Variants in ZFHX3 observed in about 807,000 individuals in gnomAD.
The protein encoded by ZFHX3 is zinc finger homeobox protein 3.
A neutral mutation model predicts 279.1 loss-of-function variants in ZFHX3; 42 were observed. The ratio of observed to expected loss-of-function variants is 0.15; its 90% confidence interval spans 0.12 to 0.19. The LOEUF is 0.19. Ranked by LOEUF, ZFHX3 falls within the 10% of genes least tolerant of loss-of-function variation. The pLI is 1.00. For synonymous variants in ZFHX3, 2,293 were observed against 1,957.8 expected (o/e 1.17, Z -4.52); for missense variants, 4,981 against 4,754.0 (o/e 1.05, Z -1.40).
rs75421746 is a variant in ZFHX3 at position 73,011,852 on chromosome 16, A to G, written c.-50+35900T>C. Among the ~76,000 whole-genome samples the G allele has an allele frequency of 5.0e-3, 758 of 151,986 alleles. 15 individuals carry two copies. In the East Asian group the frequency reaches 0.056, roughly 11 times the overall value. On this transcript the variant is annotated intron_variant, in intron 1 of 9. Coordinates refer to ENST00000268489, the MANE Select transcript of ZFHX3 (RefSeq NM_006885.4). The stretch of plus-strand genomic sequence containing the variant: ...CCCCTCCTCAACTCAATTCGGTGGG[A>G]TACCTTTTTTTATCTTGGTGTTATT...
intron 3 of ZFHX3, among the ~76,000 whole-genome samples, chr16:72,928,406 T>C (rs901374219): frequency 6.6e-6 from 1 of 151,916 alleles, no homozygotes; most frequent in Non-Finnish European, 1.5e-5. Flanking sequence ...GACTGGAGAT[T>C]TGAATACATG....
chr16:73,769,653 C>G (rs531618441), intron 1 of ZFHX3, among the ~76,000 whole-genome samples: 1 of 152,182 alleles, frequency 6.6e-6, no homozygotes, highest in South Asian at 2.1e-4. Flanking sequence ...GAATTTCTAC[C>G]TTTTTAACCA....
intron 3 of ZFHX3, among the ~76,000 whole-genome samples, chr16:73,359,951 A>C (rs74030069): frequency 0.039 from 5,897 of 152,226 alleles, 290 homozygotes; most frequent in African/African-American, 0.11. Context: ...AAACTAAGTA[A>C]GAATTACCCA....
chr16:73,346,329 T>C (rs919206356), intron 3 of ZFHX3, among the ~76,000 whole-genome samples: 1 of 152,210 alleles, frequency 6.6e-6, no homozygotes. Flanking sequence ...TCCCACCGTC[T>C]GTCCTCTCGC....
At chr16:73,339,296 T>C (rs2143252475) in intron 3 of ZFHX3, among the ~76,000 whole-genome samples, 1 of 152,318 alleles carries the variant, frequency 6.6e-6, no homozygotes, top group Middle Eastern at 3.4e-3. Flanking sequence ...ATGAAGTTGT[T>C]TGTGCCTATC....
intron 3 of ZFHX3, among the ~76,000 whole-genome samples, chr16:73,442,991 C>A (rs2018120939): frequency 1.3e-5 from 2 of 152,154 alleles, no homozygotes; most frequent in African/African-American, 4.8e-5. Context: ...CTTCTAAGGA[C>A]ACCAGTGATA....
At chr16:73,775,412 G>C (rs907798223) in intron 1 of ZFHX3, among the ~76,000 whole-genome samples, 7 of 152,116 alleles carry the variant, frequency 4.6e-5, no homozygotes, top group African/African-American at 1.7e-4. Flanking sequence ...GCTGAGAAAA[G>C]AAATACTATG....
At position 73,359,882 on chromosome 16, in the gene ZFHX3, G is replaced by A. The variant is rs75636417; in HGVS notation, c.-1290-41546C>T. ...TCAGTGTGGATGGGTATTGATCATG[G>A]GGGGTGGTTCATGTTAGATGGGATT... On this transcript the variant is annotated intron_variant, in intron 3 of 17. Transcript: ENST00000641206. Among the ~76,000 whole-genome samples the A allele has an allele frequency of 7.2e-3, 1,070 of 149,074 alleles. 6 individuals are homozygous for A. The highest frequency in any genetic ancestry group is 0.013 in the Non-Finnish European group (836 of 66,800).
intron 3 of ZFHX3, among the ~76,000 whole-genome samples, chr16:73,403,097 C>G (rs1372948670): frequency 1.3e-5 from 2 of 152,036 alleles, no homozygotes; most frequent in Non-Finnish European, 1.5e-5. Flanking sequence ...CACGTGTGGG[C>G]GCACGGTCCA....
At chr16:73,189,421 C>T (rs1967981801) in intron 5 of ZFHX3, among the ~76,000 whole-genome samples, 1 of 152,188 alleles carries the variant, frequency 6.6e-6, no homozygotes, top group Non-Finnish European at 1.5e-5. Flanking sequence ...CCTGACATAG[C>T]AATAACAAAT....
intron 3 of ZFHX3, among the ~76,000 whole-genome samples, chr16:73,382,571 G>C (rs868528184): frequency 6.6e-6 from 1 of 152,134 alleles, no homozygotes; most frequent in Non-Finnish European, 1.5e-5. Flanking sequence ...GGGGGGGCAG[G>C]AGGTAATCAG....
chr16:72,787,908 G>A lies in ZFHX3; in HGVS notation c.10368C>T (p.Phe3456=). ...SKSADSLYDP[F]IVPKVQYKLV... ...ACTTGTACTGCACCTTTGGAACAAT[G>A]AAGGGGTCGTAGAGGGAGTCCGCAC... The change falls in exon 10 of 10, where the codon TTC becomes TTT. Residue 3456 remains phenylalanine (F), a synonymous_variant. Coordinates refer to ENST00000268489, the MANE Select transcript of ZFHX3 (RefSeq NM_006885.4). 6.2e-7 allele frequency: 1 copy of A among 1,614,122 alleles called. No homozygotes were observed. Among genetic ancestry groups the A allele is most frequent in the Middle Eastern group, 1.6e-4 (1 of 6,062 alleles).
chr16:73,749,655 G>A (rs1394181147), intron 1 of ZFHX3, among the ~76,000 whole-genome samples: 5 of 152,128 alleles, frequency 3.3e-5, no homozygotes, highest in African/African-American at 1.2e-4. Context: ...ACGTATAACT[G>A]TGTTGGAGTG....
chr16:73,154,810 T>TA (rs35246463), intron 5 of ZFHX3, among the ~76,000 whole-genome samples: 2 of 151,920 alleles, frequency 1.3e-5, no homozygotes, highest in East Asian at 3.8e-4. Flanking sequence ...TGAAGGCCAT[T>TA]AAAAAAATCA....
chr16:73,346,644 G>A (rs944378748), intron 3 of ZFHX3, among the ~76,000 whole-genome samples: 1 of 152,136 alleles, frequency 6.6e-6, no homozygotes, highest in Non-Finnish European at 1.5e-5. Flanking sequence ...GCTAATTTTT[G>A]TATTTTTTGT....
At position 73,210,652 on chromosome 16, in the gene ZFHX3, ACC is replaced by A. The variant is rs540432519; in HGVS notation, c.-1104+46393_-1104+46394del. Among the ~76,000 whole-genome samples the A allele has an allele frequency of 7.1e-4, 108 of 152,282 alleles. No homozygotes were observed. In the South Asian group the frequency reaches 0.022, roughly 31 times the overall value. ...AAATAAATGCACATTCTTTCAGCTAACCCTAATAACCTGTAGCATACAGAACA... is the reference window on the plus strand; with the variant it reads ...AAATAAATGCACATTCTTTCAGCTAACTAATAACCTGTAGCATACAGAACA... On this transcript the variant is annotated intron_variant, in intron 5 of 17. Coordinates refer to the ZFHX3 transcript ENST00000641206.
At chr16:73,795,438 T>C (rs190979117) in intron 1 of ZFHX3, among the ~76,000 whole-genome samples, 5 of 152,322 alleles carry the variant, frequency 3.3e-5, no homozygotes, top group African/African-American at 9.6e-5. Context: ...TCAGTCTTCA[T>C]TGGTTTTCGA....
intron 1 of ZFHX3, among the ~76,000 whole-genome samples, chr16:73,722,224 AGG>A (rs1281692323): frequency 6.6e-6 from 1 of 152,192 alleles, no homozygotes; most frequent in Non-Finnish European, 1.5e-5. Flanking sequence ...GACAATAAGT[AGG>A]CACTTCTGTT....
At position 73,378,030 on chromosome 16, in the gene ZFHX3, C is replaced by CAAAAAAAAAAAAAAAAAAAAAAAAAA. The variant is rs71156159; in HGVS notation, c.-1290-59720_-1290-59695dup. 5.6e-5 allele frequency among the ~76,000 whole-genome samples: 3 copies of CAAAAAAAAAAAAAAAAAAAAAAAAAA among 53,816 alleles called. 1 individual carries two copies. Among genetic ancestry groups the CAAAAAAAAAAAAAAAAAAAAAAAAAA allele is most frequent in the Non-Finnish European group, 9.7e-5 (3 of 30,820 alleles). 35.3% of individuals were successfully genotyped at this position (53,816 alleles called of 152,430 possible). A position where few individuals can be genotyped will look rare whatever the true frequency, so the allele number is the denominator to read the frequency against. ...CCTGGGTGACAGAGAGACTCTGTCT[C>CAAAAAAAAAAAAAAAAAAAAAAAAAA]AAAAAAAAAAAAAAAAAAAAAAAAA... On this transcript the variant is annotated intron_variant, in intron 3 of 17. Coordinates refer to the ZFHX3 transcript ENST00000641206.
Sources: allele counts gnomAD v4.1 joint callset (sites outside exome capture counted in the v4.1 genomes callset), GRCh38; gene constraint gnomAD v4.1.1; transcripts MANE v1.5; gene names NCBI Gene and HGNC (gene_info 2026-07-23, HGNC 2026-07-21).